ARB2A: variants seen among roughly 807,000 people sequenced by gnomAD.
The protein encoded by ARB2A is cotranscriptional regulator ARB2A.
the ARB2A span, among the ~76,000 whole-genome samples, chr5:93,819,117 C>T: frequency 2.3e-5 from 3 of 128,818 alleles, no homozygotes; most frequent in Non-Finnish European, 3.1e-5. Context: ...ACCCGGGAGG[C>T]GGAGCTTGCA....
the ARB2A span, among the ~76,000 whole-genome samples, chr5:93,901,449 T>C: frequency 6.6e-6 from 1 of 152,168 alleles, no homozygotes; most frequent in African/African-American, 2.4e-5. Context: ...CTAATTTTCT[T>C]CAAGCTAATA....
At chr5:93,962,362 A>G in the ARB2A span, among the ~76,000 whole-genome samples, 1 of 152,204 alleles carries the variant, frequency 6.6e-6, no homozygotes, top group Admixed American at 6.5e-5. Flanking sequence ...CAAGTATGAG[A>G]TATTTTACTA....
chr5:93,951,930 T>C, the ARB2A span, among the ~76,000 whole-genome samples: 4 of 152,148 alleles, frequency 2.6e-5, no homozygotes, highest in East Asian at 7.7e-4. Flanking sequence ...CAGTGGTAAA[T>C]CCCTGGAAGG....
At chr5:93,850,395 G>A in the ARB2A span, among the ~76,000 whole-genome samples, 7 of 152,152 alleles carry the variant, frequency 4.6e-5, no homozygotes, top group Non-Finnish European at 8.8e-5. Context: ...AGCTTATTGA[G>A]AAAGACGTAG....
chr5:93,682,493 T>A, the ARB2A span, among the ~76,000 whole-genome samples: 2 of 151,750 alleles, frequency 1.3e-5, no homozygotes, highest in Non-Finnish European at 2.9e-5. Flanking sequence ...AAATTTTGAT[T>A]AGGCAAAAAG....
At chr5:93,637,395 G>A in the ARB2A span, among the ~76,000 whole-genome samples, 2 of 127,246 alleles carry the variant, frequency 1.6e-5, no homozygotes, top group African/African-American at 6.1e-5. Flanking sequence ...GACTAAAGCT[G>A]CTAAAACATT....
At chr5:93,948,903 G>C in the ARB2A span, among the ~76,000 whole-genome samples, 1 of 152,116 alleles carries the variant, frequency 6.6e-6, no homozygotes, top group South Asian at 2.1e-4. Context: ...GCAGTGAACT[G>C]ATTCTTCCCT....
At chr5:93,647,006 G>A in the ARB2A span, among the ~76,000 whole-genome samples, 107 of 152,078 alleles carry the variant, frequency 7.0e-4, no homozygotes, top group East Asian at 2.3e-3. Context: ...CTATTATTCT[G>A]AACTACTTGA....
At chr5:94,056,671 A>C in the ARB2A span, among the ~76,000 whole-genome samples, 1 of 152,186 alleles carries the variant, frequency 6.6e-6, no homozygotes, top group Non-Finnish European at 1.5e-5. Flanking sequence ...AACTGTATAA[A>C]AATACGATTT....
the ARB2A span, among the ~76,000 whole-genome samples, chr5:93,932,490 G>A: frequency 6.6e-6 from 1 of 152,150 alleles, no homozygotes; most frequent in African/African-American, 2.4e-5. Context: ...TTGAAGATAA[G>A]TAGTCAGAGC....
chr5:94,097,976 C>T, the ARB2A span, among the ~76,000 whole-genome samples: 1 of 152,226 alleles, frequency 6.6e-6, no homozygotes, highest in East Asian at 1.9e-4. Context: ...CACCTCAACT[C>T]CTCCAGCACA....
the ARB2A span, among the ~76,000 whole-genome samples, chr5:94,058,759 A>T: frequency 6.6e-6 from 1 of 152,182 alleles, no homozygotes; most frequent in Non-Finnish European, 1.5e-5. Context: ...AGATGAAATC[A>T]ATGCTGGGAA....
chr5:93,915,102 C>A, the ARB2A span, among the ~76,000 whole-genome samples: 4 of 152,006 alleles, frequency 2.6e-5, no homozygotes, highest in Admixed American at 2.6e-4. Context: ...TTTACTAAAT[C>A]GTTTACAGAA....
the ARB2A span, among the ~76,000 whole-genome samples, chr5:93,945,476 T>A: frequency 1.3e-5 from 2 of 150,468 alleles, no homozygotes; most frequent in African/African-American, 4.9e-5. Flanking sequence ...CATTAAAGCG[T>A]AGAAGAGAGA....
chr5:93,867,443 G>A, the ARB2A span, among the ~76,000 whole-genome samples: 3 of 151,904 alleles, frequency 2.0e-5, no homozygotes, highest in Admixed American at 6.6e-5. Context: ...TTTATTTACG[G>A]AGTCTCGCTC....
At chr5:94,100,609 A>C in the ARB2A span, among the ~76,000 whole-genome samples, 8 of 152,112 alleles carry the variant, frequency 5.3e-5, no homozygotes. Flanking sequence ...AATAGAACAG[A>C]ATACAGAGAC....
chr5:93,859,670 C>G, the ARB2A span, among the ~76,000 whole-genome samples: 2 of 152,082 alleles, frequency 1.3e-5, no homozygotes, highest in African/African-American at 4.8e-5. Context: ...AGGCAATTCA[C>G]AGATGAGGAA....
the ARB2A span, among the ~76,000 whole-genome samples, chr5:94,085,820 A>T: frequency 6.6e-6 from 1 of 152,254 alleles, no homozygotes; most frequent in Non-Finnish European, 1.5e-5. Context: ...AATGAAGCAC[A>T]ACTACACTCA....
chr5:93,620,706 G>T, the ARB2A span: 2 of 305,670 alleles, frequency 6.5e-6, no homozygotes, highest in Admixed American at 5.2e-5. Flanking sequence ...GAGCTTCGCC[G>T]GCCGAGCCAG....
Sources: gnomAD v4.1 joint callset for allele counts (sites outside exome capture counted in the v4.1 genomes callset) on GRCh38, gnomAD v4.1.1 for gene constraint, MANE v1.5 for transcripts, NCBI Gene and HGNC (gene_info 2026-07-23, HGNC 2026-07-21) for gene names.